Variants in ATXN8OS observed in about 807,000 individuals in gnomAD.
ATXN8OS encodes ATXN8 opposite strand lncRNA, also known as ATXN8 opposite strand (non-protein coding).
intron 2 of ATXN8OS, among the ~76,000 whole-genome samples, chr13:70,116,545 A>G (rs186343799): frequency 3.7e-4 from 56 of 152,300 alleles, no homozygotes; most frequent in African/African-American, 1.3e-3. Flanking sequence ...AACGAGCTCT[A>G]TTGGAGTTCA....
intron 3 of ATXN8OS, among the ~76,000 whole-genome samples, chr13:70,147,227 A>T (rs1422180606): frequency 2.6e-5 from 4 of 152,216 alleles, no homozygotes; most frequent in Non-Finnish European, 5.9e-5. Context: ...TCACTGTTTT[A>T]AAAACTAATA....
intron 4 of ATXN8OS, among the ~76,000 whole-genome samples, chr13:70,148,695 A>C (rs1888822838): frequency 6.6e-6 from 1 of 152,100 alleles, no homozygotes; most frequent in Non-Finnish European, 1.5e-5. Flanking sequence ...TCGTAAACTA[A>C]AATTTCTCCT....
At chr13:70,128,750 C>T (rs1405427460) in intron 2 of ATXN8OS, among the ~76,000 whole-genome samples, 1 of 151,898 alleles carries the variant, frequency 6.6e-6, no homozygotes, top group Non-Finnish European at 1.5e-5. Flanking sequence ...CCCGCAGTGT[C>T]CTGAAGCCCT....
rs144269509 is a variant in ATXN8OS, at chr13:70,119,316, TA to T, written n.398+4020del. Among the ~76,000 whole-genome samples, 1,137 of 152,246 alleles carry T rather than the reference TA, an allele frequency of 7.5e-3. 12 individuals are homozygous for T. Among genetic ancestry groups the T allele is most frequent in the African/African-American group, 0.026 (1,084 of 41,550 alleles). ...TCAGCCCTACAGGAGTCCATTTTTT[TA>T]ACAAGAGAGAATTTTACAGGCTATA... On this transcript the variant is annotated intron_variant and non_coding_transcript_variant, in intron 2 of 4. Transcript: ENST00000678624.
At chr13:70,123,078 G>A (rs1477290711) in intron 2 of ATXN8OS, among the ~76,000 whole-genome samples, 2 of 151,888 alleles carry the variant, frequency 1.3e-5, no homozygotes, top group African/African-American at 4.8e-5. Flanking sequence ...TATTAATCTA[G>A]GTCTTCCTAT....
chr13:70,153,516 A>C (rs542055998), intron 4 of ATXN8OS, among the ~76,000 whole-genome samples: 2 of 152,336 alleles, frequency 1.3e-5, no homozygotes, highest in East Asian at 3.9e-4. Context: ...TGGAGGTTGC[A>C]GTGAGCCAAC....
chr13:70,132,239 C>T (rs943923672), intron 3 of ATXN8OS, among the ~76,000 whole-genome samples: 2 of 150,510 alleles, frequency 1.3e-5, no homozygotes, highest in African/African-American at 4.9e-5. Flanking sequence ...AGTGGGGGGA[C>T]TAAATAAAGA....
intron 2 of ATXN8OS, among the ~76,000 whole-genome samples, chr13:70,120,120 T>C (rs916622653): frequency 2.6e-5 from 4 of 152,142 alleles, no homozygotes; most frequent in African/African-American, 9.7e-5. Context: ...TATTTGCAAT[T>C]TTTTCTTGTT....
At chr13:70,164,636 C>A (rs1889057827) in intron 4 of ATXN8OS, among the ~76,000 whole-genome samples, 1 of 151,896 alleles carries the variant, frequency 6.6e-6, no homozygotes, top group South Asian at 2.1e-4. Context: ...CACAAATATG[C>A]TTTGGAATGT....
At chr13:70,126,607 T>TA (rs1555299561) in intron 2 of ATXN8OS, among the ~76,000 whole-genome samples, 1 of 149,824 alleles carries the variant, frequency 6.7e-6, no homozygotes, top group Admixed American at 6.7e-5. Context: ...TCTAGACATA[T>TA]TATATATATA....
exon 5 of ATXN8OS, among the ~76,000 whole-genome samples, chr13:70,170,495 C>G (rs374131449): frequency 6.6e-6 from 1 of 152,020 alleles, no homozygotes; most frequent in Non-Finnish European, 1.5e-5. Flanking sequence ...AAAGGAAACA[C>G]ATAAATTAGA....
chr13:70,108,801 A>C (rs1888149358), intron 1 of ATXN8OS, among the ~76,000 whole-genome samples: 1 of 152,134 alleles, frequency 6.6e-6, no homozygotes, highest in Non-Finnish European at 1.5e-5. Flanking sequence ...GCGTCTTTTA[A>C]CCTTTAGCCT....
At chr13:70,135,746 C>T (rs1222887308) in intron 3 of ATXN8OS, among the ~76,000 whole-genome samples, 1 of 152,084 alleles carries the variant, frequency 6.6e-6, no homozygotes, top group African/African-American at 2.4e-5. Context: ...GGGTGTACCA[C>T]TATTAAGATT....
chr13:70,131,978 C>T (rs1888540648), intron 3 of ATXN8OS, among the ~76,000 whole-genome samples: 1 of 152,106 alleles, frequency 6.6e-6, no homozygotes, highest in Admixed American at 6.6e-5. Context: ...TGGCACATAC[C>T]TATATGTGTT....
At chr13:70,128,270 A>AT (rs1888473509) in intron 2 of ATXN8OS, among the ~76,000 whole-genome samples, 1 of 152,186 alleles carries the variant, frequency 6.6e-6, no homozygotes, top group Non-Finnish European at 1.5e-5. Flanking sequence ...GGCATCTAGA[A>AT]TAACACAGCT....
chr13:70,110,848 G>C (rs557004786), intron 1 of ATXN8OS, among the ~76,000 whole-genome samples: 23 of 152,268 alleles, frequency 1.5e-4, no homozygotes, highest in African/African-American at 5.5e-4. Context: ...CCAGCCATAA[G>C]TAATAATTGA....
intron 3 of ATXN8OS, chr13:70,130,975 G>A (rs17086441): frequency 0.11 from 42,139 of 398,298 alleles, 2,304 homozygotes; most frequent in East Asian, 0.14. Context: ...GGGAAATTGC[G>A]CTTATTGGGA....
chr13:70,142,150 C>A (rs1391320397), intron 3 of ATXN8OS, among the ~76,000 whole-genome samples: 3 of 152,140 alleles, frequency 2.0e-5, no homozygotes, highest in African/African-American at 7.2e-5. Flanking sequence ...TCCCAAAGTG[C>A]TGGGATTACA....
intron 2 of ATXN8OS, among the ~76,000 whole-genome samples, chr13:70,127,974 T>C (rs889478800): frequency 6.6e-6 from 1 of 152,070 alleles, no homozygotes; most frequent in Non-Finnish European, 1.5e-5. Context: ...ACTTTCATTT[T>C]ATGTTGTTAT....
Sources: allele counts gnomAD v4.1 joint callset (sites outside exome capture counted in the v4.1 genomes callset), GRCh38; gene constraint gnomAD v4.1.1; transcripts MANE v1.5; gene names NCBI Gene and HGNC (gene_info 2026-07-23, HGNC 2026-07-21).